Variants in CRTAC1 observed in about 807,000 individuals in gnomAD.
CRTAC1 encodes the protein acidic secreted protein in cartilage.
A neutral mutation model predicts 67.8 loss-of-function variants in CRTAC1; 37 were observed. The observed-to-expected ratio is 0.55, with a 90% CI of 0.42 to 0.72. CRTAC1 has a LOEUF of 0.72. Ranked by LOEUF, CRTAC1 falls within the 30% of genes least tolerant of loss-of-function variation. The pLI, the probability that CRTAC1 is intolerant of heterozygous loss-of-function variation, is 0.00. For synonymous variants in CRTAC1, 348 were observed against 371.0 expected (o/e 0.94, Z 0.71); for missense variants, 780 against 931.6 (o/e 0.84, Z 2.12).
intron 2 of CRTAC1, among the ~76,000 whole-genome samples, chr10:97,990,940 A>G (rs962971258): frequency 2.0e-5 from 3 of 152,064 alleles, no homozygotes; most frequent in Non-Finnish European, 4.4e-5. Flanking sequence ...TTAAAAATTA[A>G]CAACAAAAGA....
At chr10:97,921,228 G>A (rs376200235) in intron 4 of CRTAC1, among the ~76,000 whole-genome samples, 10 of 152,132 alleles carry the variant, frequency 6.6e-5, no homozygotes, top group African/African-American at 2.4e-4. Context: ...CTGGCCCAGA[G>A]GCTACACTGA....
intron 2 of CRTAC1, among the ~76,000 whole-genome samples, chr10:98,002,836 A>T (rs1377616843): frequency 1.7e-5 from 2 of 115,948 alleles, no homozygotes; most frequent in Non-Finnish European, 1.6e-5. Flanking sequence ...TGGAGTGCAG[A>T]GGTGCAATCT....
chr10:97,964,711 C>T (rs1022817608), intron 2 of CRTAC1, among the ~76,000 whole-genome samples: 4 of 152,186 alleles, frequency 2.6e-5, no homozygotes, highest in African/African-American at 9.7e-5. Flanking sequence ...GTATAAAGGG[C>T]ACAGGTGTCT....
chr10:97,907,358 A>AG (rs769493587), intron 6 of CRTAC1, among the ~76,000 whole-genome samples: 26 of 132,506 alleles, frequency 2.0e-4, no homozygotes, highest in Admixed American at 3.4e-4. Context: ...CAGGTAGAGA[A>AG]GGGGGAGGGC....
chr10:97,882,707 C>T, intron 13 of CRTAC1, 79 bp downstream of exon 13: 1 of 1,511,368 alleles, frequency 6.6e-7, no homozygotes, highest in Non-Finnish European at 9.2e-7. Context: ...GCACCCTGGA[C>T]CTTGGCATGA....
At chr10:97,969,447 TCTC>T (rs1279410350) in intron 2 of CRTAC1, among the ~76,000 whole-genome samples, 1 of 152,128 alleles carries the variant, frequency 6.6e-6, no homozygotes, top group African/African-American at 2.4e-5. Context: ...CCTTTCTCTT[TCTC>T]CTCCTCTCTT....
At chr10:97,925,439 G>A (rs763315268) in intron 3 of CRTAC1, among the ~76,000 whole-genome samples, 3 of 151,880 alleles carry the variant, frequency 2.0e-5, no homozygotes, top group Non-Finnish European at 2.9e-5. Flanking sequence ...GAGTAAGAGT[G>A]TGTCAGAGAA....
chr10:98,008,430 TG>T lies in CRTAC1; in HGVS notation c.224+2707del, dbSNP rs534560641. On this transcript the variant is annotated intron_variant, in intron 2 of 14. Coordinates refer to ENST00000370597, the MANE Select transcript of CRTAC1 (RefSeq NM_018058.7). Reference sequence around the variant, plus strand: ...GAGTACAAAAGAGTGGGGGGTGGGGTGGGGGGGCACCCAACGGGTCTCCTGC... The same window carrying T: ...GAGTACAAAAGAGTGGGGGGTGGGGTGGGGGGCACCCAACGGGTCTCCTGC... Among the ~76,000 whole-genome samples, 11 of 46,052 alleles carry T rather than the reference TG, an allele frequency of 2.4e-4. No homozygotes were observed. The South Asian group carries it at 4.0e-3, about 17-fold the overall frequency. The allele number at this position is 46,052 out of a possible 152,430, so 30.2% of individuals were successfully genotyped here.
intron 2 of CRTAC1, among the ~76,000 whole-genome samples, chr10:97,989,009 G>T (rs1246325187): frequency 6.6e-6 from 1 of 152,188 alleles, no homozygotes; most frequent in East Asian, 1.9e-4. Flanking sequence ...GGCATGAGTA[G>T]AAAAACACGC....
chr10:97,921,772 C>T (rs2050842033), intron 4 of CRTAC1, among the ~76,000 whole-genome samples: 1 of 152,182 alleles, frequency 6.6e-6, no homozygotes, highest in African/African-American at 2.4e-5. Flanking sequence ...AAGCAACCCT[C>T]CTCTGCTGGC....
intron 2 of CRTAC1, among the ~76,000 whole-genome samples, chr10:97,947,935 T>A (rs534693617): frequency 6.6e-6 from 1 of 152,168 alleles, no homozygotes. Context: ...GAAGATTGTG[T>A]TTGCTAGGAA....
intron 2 of CRTAC1, among the ~76,000 whole-genome samples, chr10:97,997,929 T>C (rs974616713): frequency 2.0e-5 from 3 of 152,086 alleles, no homozygotes; most frequent in African/African-American, 7.2e-5. Context: ...CTCACATGTC[T>C]GAGTAGAGTC....
chr10:98,003,967 G>A lies in CRTAC1; in HGVS notation c.224+7171C>T, dbSNP rs114222860. Among the ~76,000 whole-genome samples the A allele has an allele frequency of 2.6e-3, 393 of 152,358 alleles. 3 individuals are homozygous for A. Among genetic ancestry groups the A allele is most frequent in the African/African-American group, 8.7e-3 (362 of 41,594 alleles). ...CGGATGCGGCAATGGGACAGCTCTG[G>A]CAAACCTGCCAGGCACTGCTAGGTA... On this transcript the variant is annotated intron_variant, in intron 2 of 14. Coordinates refer to ENST00000370597, the MANE Select transcript of CRTAC1 (RefSeq NM_018058.7).
chr10:97,885,010 G>A (rs1317395108), intron 11 of CRTAC1, among the ~76,000 whole-genome samples: 2 of 152,214 alleles, frequency 1.3e-5, no homozygotes, highest in Non-Finnish European at 2.9e-5. Context: ...TGTCACTGGG[G>A]ATGCCCCTGT....
chr10:97,878,504 T>G, intron 14 of CRTAC1: 1 of 925,998 alleles, frequency 1.1e-6, no homozygotes, highest in Non-Finnish European at 1.4e-6. Context: ...TAAGTGTAAT[T>G]TTATTATATC....
At chr10:97,899,757 G>C (rs898095078) in intron 8 of CRTAC1, among the ~76,000 whole-genome samples, 1 of 152,222 alleles carries the variant, frequency 6.6e-6, no homozygotes, top group Admixed American at 6.5e-5. Context: ...GGCCCTCCCG[G>C]GAGATGGGGT....
chr10:98,027,159 T>C (rs1590306540), intron 1 of CRTAC1, among the ~76,000 whole-genome samples: 1 of 139,268 alleles, frequency 7.2e-6, no homozygotes. Context: ...AGAGCGAGAC[T>C]CCGTCTCAAA....
intron 1 of CRTAC1, among the ~76,000 whole-genome samples, chr10:98,024,676 T>G (rs1336437836): frequency 6.6e-6 from 1 of 151,954 alleles, no homozygotes; most frequent in Non-Finnish European, 1.5e-5. Flanking sequence ...AAATTTTAAT[T>G]TTTTTAGTGT....
Position 98,002,761 on chromosome 10 carries a change from C to CTGTTTT in CRTAC1, c.224+8376_224+8377insAAAACA, listed in dbSNP as rs771351655. Among the ~76,000 whole-genome samples, 20 of 37,298 alleles carry CTGTTTT rather than the reference C, an allele frequency of 5.4e-4. 2 individuals carry two copies. The highest frequency in any genetic ancestry group is 0.016 in the Middle Eastern group (1 of 62). The allele number at this position is 37,298 out of a possible 152,430, so 24.5% of individuals were successfully genotyped here. A position where few individuals can be genotyped will look rare whatever the true frequency, so the allele number is the denominator to read the frequency against. On this transcript the variant is annotated intron_variant, in intron 2 of 14. Transcript: ENST00000370597. ...TTTTAGGAATTCTTTACAAAACTCA[C>CTGTTTT]TTTTTTTTTTTTTTTTTTTTTTTTT...
Sources: gnomAD v4.1 joint callset for allele counts (sites outside exome capture counted in the v4.1 genomes callset) on GRCh38, gnomAD v4.1.1 for gene constraint, MANE v1.5 for transcripts, NCBI Gene and HGNC (gene_info 2026-07-23, HGNC 2026-07-21) for gene names.